Variants in ATP8B4 observed in about 807,000 individuals in gnomAD.
ATP8B4 encodes probable phospholipid-transporting ATPase IM.
In ATP8B4, 133 loss-of-function variants were observed where a neutral mutation model predicts 145.6. The ratio of observed to expected loss-of-function variants is 0.91; its 90% confidence interval spans 0.79 to 1.05. ATP8B4 has a LOEUF of 1.05. Ranked by LOEUF, ATP8B4 falls within the 50% of genes least tolerant of loss-of-function variation. The pLI, the probability that ATP8B4 is intolerant of heterozygous loss-of-function variation, is 0.00. For synonymous variants in ATP8B4, 507 were observed against 492.9 expected, an observed-to-expected ratio of 1.03 and a Z score of -0.38; for missense variants, 1,458 against 1,425.2, an observed-to-expected ratio of 1.02 and a Z score of -0.37.
At chr15:50,111,352 G>C (rs112445220) in intron 1 of ATP8B4, among the ~76,000 whole-genome samples, 2 of 152,360 alleles carry the variant, frequency 1.3e-5, no homozygotes, top group African/African-American at 4.8e-5. Context: ...TCATGCTGAA[G>C]TGAACATTCT....
intron 5 of ATP8B4, among the ~76,000 whole-genome samples, chr15:50,040,105 G>A (rs147078374): frequency 1.3e-4 from 20 of 152,282 alleles, no homozygotes; most frequent in African/African-American, 2.2e-4. Context: ...CACAGCATTC[G>A]TCTCCACTCT....
rs79170651 is a variant in ATP8B4 at position 50,133,756 on chromosome 15, TACA to T, written c.-42-26751_-42-26749del. Among the ~76,000 whole-genome samples the T allele has an allele frequency of 3.5e-4, 53 of 152,288 alleles. No homozygotes were observed. The East Asian group carries it at 9.8e-3, about 28-fold the overall frequency. On this transcript the variant is annotated intron_variant, in intron 1 of 3. Transcript: ENST00000558829. ...ATGAATATGTTTTGGAGATCTAACA[TACA>T]ACATGATGATTATAGTTAATAATAC...
chr15:49,882,793 G>T (rs2035624704), intron 23 of ATP8B4, among the ~76,000 whole-genome samples: 1 of 152,194 alleles, frequency 6.6e-6, no homozygotes, highest in Non-Finnish European at 1.5e-5. Context: ...AGGTCTCGAG[G>T]AAAAGCAGGA....
At chr15:50,139,137 C>T (rs1009853454) in intron 1 of ATP8B4, among the ~76,000 whole-genome samples, 2 of 152,172 alleles carry the variant, frequency 1.3e-5, no homozygotes, top group Admixed American at 6.5e-5. Flanking sequence ...CACATGCACA[C>T]GTATGTTTAT....
At position 49,970,734 on chromosome 15, in the gene ATP8B4, C is replaced by T. The variant is rs544913279; in HGVS notation, c.1243+1848G>A. Among the ~76,000 whole-genome samples the T allele has an allele frequency of 2.6e-5, 4 of 152,270 alleles. No homozygotes were observed. In the South Asian group the frequency reaches 8.3e-4, roughly 32 times the overall value. On this transcript the variant is annotated intron_variant, in intron 13 of 27. Transcript: ENST00000284509. ...TAGATTCAGTGCTATCCCCATCAAGCTACCATTGACTTTCTTCACAGAATT... is the reference window on the plus strand; with the variant it reads ...TAGATTCAGTGCTATCCCCATCAAGTTACCATTGACTTTCTTCACAGAATT...
rs2031982465 is a variant in ATP8B4 at position 49,862,369 on chromosome 15, G to A, written c.3173C>T (p.Ala1058Val). The change falls in exon 27 of 28, where the codon GCA becomes GTA. Residue 1058 changes from alanine to valine, a missense_variant. By Grantham distance (64) the Ala-to-Val change is moderately conservative. Coordinates refer to ENST00000284509, the MANE Select transcript of ATP8B4 (RefSeq NM_024837.4). ...GCACTTCTGGGTCAGGGAATGTCGT[G>A]CATTACCTATCAATCATTAAAGAAA... ...FPNQFPFVGN[A>V]RHSLTQKCIW... 6.2e-7 allele frequency: 1 copy of A among 1,613,030 alleles called. No homozygotes were observed. The highest frequency in any genetic ancestry group is 1.3e-5 in the African/African-American group (1 of 74,876).
chr15:50,050,251 T>C (rs148066752), intron 3 of ATP8B4, among the ~76,000 whole-genome samples: 26 of 152,372 alleles, frequency 1.7e-4, no homozygotes, highest in Admixed American at 9.1e-4. Flanking sequence ...TCAACAAGTC[T>C]ATGTATAGTA....
At chr15:50,015,754 T>C (rs2049042190) in intron 6 of ATP8B4, among the ~76,000 whole-genome samples, 2 of 152,226 alleles carry the variant, frequency 1.3e-5, no homozygotes, top group African/African-American at 4.8e-5. Flanking sequence ...AATAACAGAC[T>C]GGTGAACAGG....
chr15:49,973,710 A>G (rs1367558971), intron 12 of ATP8B4, among the ~76,000 whole-genome samples: 7 of 152,210 alleles, frequency 4.6e-5, no homozygotes, highest in Non-Finnish European at 8.8e-5. Context: ...CAGAAGCAGA[A>G]TTTTTATGGC....
intron 6 of ATP8B4, among the ~76,000 whole-genome samples, chr15:50,034,899 G>A (rs957734374): frequency 3.3e-5 from 5 of 152,196 alleles, no homozygotes; most frequent in South Asian, 2.1e-4. Context: ...AAACATTTAA[G>A]TATGTATTGG....
At chr15:49,928,575 G>T (rs2040949113) in intron 16 of ATP8B4, among the ~76,000 whole-genome samples, 1 of 151,974 alleles carries the variant, frequency 6.6e-6, no homozygotes, top group African/African-American at 2.4e-5. Context: ...GTAAAATCAG[G>T]CCTATGTTTT....
chr15:50,099,199 CTAA>C (rs1396765364), intron 2 of ATP8B4, among the ~76,000 whole-genome samples: 2 of 152,202 alleles, frequency 1.3e-5, no homozygotes, highest in African/African-American at 4.8e-5. Flanking sequence ...TATTTCTAAA[CTAA>C]TGAGATCTGA....
rs114309806 is a variant in ATP8B4 at position 49,877,589 on chromosome 15, G to T, written c.2782-1066C>A. Among the ~76,000 whole-genome samples, 1,477 of 152,178 alleles carry T rather than the reference G, an allele frequency of 9.7e-3. 28 individuals are homozygous for T. Among genetic ancestry groups the T allele is most frequent in the African/African-American group, 0.033 (1,366 of 41,508 alleles). ...TTGTTCCCCTAGTTCAGTGACTGAG[G>T]GTTATGTGCGCAGGCTTTGAAACAA... is the stretch of plus-strand genomic sequence containing the variant. On this transcript the variant is annotated intron_variant, in intron 24 of 27. Coordinates refer to ENST00000284509, the MANE Select transcript of ATP8B4 (RefSeq NM_024837.4).
chr15:49,898,371 C>T, intron 21 of ATP8B4, 120 bp from the exon 22 acceptor site: 5 of 1,063,100 alleles, frequency 4.7e-6, no homozygotes, highest in Non-Finnish European at 5.3e-6. Context: ...ATTTCATTCA[C>T]TCCAAAAAGT....
At chr15:50,018,869 T>C in intron 6 of ATP8B4, 2 of 1,102,772 alleles carry the variant, frequency 1.8e-6, no homozygotes, top group Non-Finnish European at 2.4e-6. Flanking sequence ...CTCTGAAGCT[T>C]CGACCATTAT....
intron 3 of ATP8B4, among the ~76,000 whole-genome samples, chr15:50,058,165 C>T (rs553174776): frequency 1.3e-5 from 2 of 152,296 alleles, no homozygotes; most frequent in South Asian, 2.1e-4. Flanking sequence ...GGCTAGAGCT[C>T]ATCTATGCCT....
At chr15:50,143,693 T>G (rs1595642757) in intron 1 of ATP8B4, among the ~76,000 whole-genome samples, 1 of 152,084 alleles carries the variant, frequency 6.6e-6, no homozygotes, top group African/African-American at 2.4e-5. Flanking sequence ...TAGTAAAGGG[T>G]GGCTTTGTGC....
chr15:50,092,041 G>T (rs1319758359), intron 2 of ATP8B4, among the ~76,000 whole-genome samples: 2 of 152,090 alleles, frequency 1.3e-5, no homozygotes, highest in Non-Finnish European at 2.9e-5. Flanking sequence ...TGAAACACTT[G>T]CTAATTCCTA....
At chr15:50,174,774 C>A (rs980216423) in intron 1 of ATP8B4, among the ~76,000 whole-genome samples, 1 of 151,964 alleles carries the variant, frequency 6.6e-6, no homozygotes, top group Non-Finnish European at 1.5e-5. Flanking sequence ...CCAATCTTCA[C>A]AGAATTAGAA....
Sources: allele counts gnomAD v4.1 joint callset (sites outside exome capture counted in the v4.1 genomes callset), GRCh38; gene constraint gnomAD v4.1.1; transcripts MANE v1.5; gene names NCBI Gene and HGNC (gene_info 2026-07-23, HGNC 2026-07-21).